TMEM117: variants seen among roughly 807,000 people sequenced by gnomAD.
The protein encoded by TMEM117 is transmembrane protein 117.
In TMEM117, 27 loss-of-function variants were observed where a neutral mutation model predicts 52.4. The observed-to-expected ratio is 0.51, with a 90% CI of 0.38 to 0.71. TMEM117 has a LOEUF of 0.71. Ranked by LOEUF, TMEM117 falls within the 30% of genes least tolerant of loss-of-function variation. TMEM117 has a pLI of 0.00. For missense variants in TMEM117, 556 were observed against 630.5 expected (o/e 0.88, Z 1.26); for synonymous variants, 215 against 206.3 (o/e 1.04, Z -0.36).
the TMEM117 span, among the ~76,000 whole-genome samples, chr12:43,823,130 G>A: frequency 6.6e-6 from 1 of 152,086 alleles, no homozygotes; most frequent in South Asian, 2.1e-4. Flanking sequence ...CATTTATTAG[G>A]CCTACTATCC....
chr12:44,094,816 T>C (rs760500537), intron 3 of TMEM117, among the ~76,000 whole-genome samples: 25 of 151,968 alleles, frequency 1.6e-4, no homozygotes, highest in Non-Finnish European at 3.2e-4. Context: ...AATACTCAAC[T>C]AAAAAGGGGA....
chr12:43,979,759 A>G (rs1945730571), intron 3 of TMEM117, among the ~76,000 whole-genome samples: 2 of 152,164 alleles, frequency 1.3e-5, no homozygotes, highest in South Asian at 2.1e-4. Context: ...TTGATATTCT[A>G]TATGGCTGGC....
intron 3 of TMEM117, among the ~76,000 whole-genome samples, chr12:43,971,904 C>T (rs958379942): frequency 6.6e-6 from 1 of 152,334 alleles, no homozygotes; most frequent in East Asian, 1.9e-4. Context: ...AGTAACTTCT[C>T]AGTTCCCCAT....
Position 43,903,191 on chromosome 12 carries a change from C to G in TMEM117, c.278-41019C>G, listed in dbSNP as rs369052119. Among the ~76,000 whole-genome samples, 17 of 152,172 alleles carry G rather than the reference C, an allele frequency of 1.1e-4. No homozygotes were observed. The East Asian group carries it at 2.9e-3, about 26-fold the overall frequency. On this transcript the variant is annotated intron_variant, in intron 2 of 7. Transcript: ENST00000266534. The stretch of plus-strand genomic sequence containing the variant: ...AAGTATTGTATATATTTTTTGGGTA[C>G]AAGTCAAGAAAAGTGGATGCCATGA...
chr12:44,313,514 T>G (rs1489525364), intron 6 of TMEM117, among the ~76,000 whole-genome samples: 4 of 152,238 alleles, frequency 2.6e-5, no homozygotes, highest in Non-Finnish European at 5.9e-5. Context: ...ACTGTAGCCA[T>G]GTAGTGTAGT....
chr12:44,247,094 G>A (rs544471079), intron 5 of TMEM117, among the ~76,000 whole-genome samples: 2 of 152,178 alleles, frequency 1.3e-5, no homozygotes, highest in Non-Finnish European at 2.9e-5. Context: ...GCAATCTTCA[G>A]CCCATTTAAT....
intron 3 of TMEM117, among the ~76,000 whole-genome samples, chr12:44,121,465 G>A (rs879456107): frequency 6.6e-5 from 10 of 152,098 alleles, no homozygotes; most frequent in African/African-American, 2.4e-4. Context: ...TGACGGGGAT[G>A]AAGACCTTTA....
intron 3 of TMEM117, among the ~76,000 whole-genome samples, chr12:43,996,362 G>A (rs1261965010): frequency 2.0e-5 from 3 of 152,064 alleles, no homozygotes; most frequent in Non-Finnish European, 1.5e-5. Context: ...AAACATTATT[G>A]GCTGGGGCCA....
At chr12:43,829,516 T>C in the TMEM117 span, among the ~76,000 whole-genome samples, 1 of 152,116 alleles carries the variant, frequency 6.6e-6, no homozygotes, top group Non-Finnish European at 1.5e-5. Context: ...ATTATTCTGT[T>C]CCCCCAGATT....
chr12:44,104,508 C>T (rs1407517998), intron 3 of TMEM117, among the ~76,000 whole-genome samples: 2 of 150,558 alleles, frequency 1.3e-5, no homozygotes. Flanking sequence ...TTATTTAAGT[C>T]CCACAAAGGT....
chr12:44,141,918 A>G (rs1259317366), intron 3 of TMEM117, among the ~76,000 whole-genome samples: 1 of 152,172 alleles, frequency 6.6e-6, no homozygotes, highest in African/African-American at 2.4e-5. Flanking sequence ...CTTAAAGGGA[A>G]ATAAGTTTTA....
chr12:43,878,315 A>G (rs995331037), intron 2 of TMEM117, among the ~76,000 whole-genome samples: 2 of 152,154 alleles, frequency 1.3e-5, no homozygotes, highest in Non-Finnish European at 2.9e-5. Flanking sequence ...GATAACAGCT[A>G]AACTGTTGCG....
At chr12:44,067,043 G>C (rs1009179546) in intron 3 of TMEM117, among the ~76,000 whole-genome samples, 1 of 152,112 alleles carries the variant, frequency 6.6e-6, no homozygotes, top group African/African-American at 2.4e-5. Flanking sequence ...CCAGGAGTAG[G>C]TTCCATCTCA....
At chr12:44,050,775 G>T (rs1175067313) in intron 3 of TMEM117, among the ~76,000 whole-genome samples, 3 of 152,128 alleles carry the variant, frequency 2.0e-5, no homozygotes, top group African/African-American at 7.2e-5. Context: ...ATTTTTGTCT[G>T]TCAACTTTTG....
At chr12:44,303,566 A>G (rs1950869048) in intron 6 of TMEM117, among the ~76,000 whole-genome samples, 1 of 152,224 alleles carries the variant, frequency 6.6e-6, no homozygotes. Context: ...GAACTAGGGC[A>G]TAAACAGATA....
chr12:44,135,880 A>G (rs118188315), intron 3 of TMEM117, among the ~76,000 whole-genome samples: 2,658 of 152,322 alleles, frequency 0.017, 33 homozygotes, highest in Middle Eastern at 0.037. Context: ...CCACTGACAC[A>G]TACCCATTAA....
chr12:43,830,209 T>G, the TMEM117 span, among the ~76,000 whole-genome samples: 2 of 152,014 alleles, frequency 1.3e-5, no homozygotes, highest in Non-Finnish European at 2.9e-5. Context: ...AGGACAGCCC[T>G]GTGTATGAAT....
At chr12:44,095,058 C>T (rs1030716557) in intron 3 of TMEM117, among the ~76,000 whole-genome samples, 2 of 151,990 alleles carry the variant, frequency 1.3e-5, no homozygotes, top group African/African-American at 2.4e-5. Context: ...GCAAAAAAAT[C>T]GTCTGAGCAT....
intron 5 of TMEM117, among the ~76,000 whole-genome samples, chr12:44,222,451 G>A (rs1246790612): frequency 6.6e-6 from 1 of 152,104 alleles, no homozygotes; most frequent in Non-Finnish European, 1.5e-5. Context: ...TTCTTTTATA[G>A]GAAAGACCTG....
Sources: allele counts gnomAD v4.1 joint callset (sites outside exome capture counted in the v4.1 genomes callset), GRCh38; gene constraint gnomAD v4.1.1; transcripts MANE v1.5; gene names NCBI Gene and HGNC (gene_info 2026-07-23, HGNC 2026-07-21).